CACNA1S: variants seen among roughly 807,000 people sequenced by gnomAD.
CACNA1S encodes voltage-dependent L-type calcium channel subunit alpha-1S.
Under a neutral mutation model 207.4 loss-of-function variants are expected in CACNA1S, and 126 were observed. The observed-to-expected ratio is 0.61, with a 90% CI of 0.53 to 0.70. The LOEUF (loss-of-function observed/expected upper bound fraction) is 0.70. CACNA1S is among the 30% of genes least tolerant of loss of function. CACNA1S has a pLI of 0.00. For synonymous variants in CACNA1S, 960 were observed against 932.7 expected, an observed-to-expected ratio of 1.03 and a Z score of -0.53; for missense variants, 2,349 against 2,422.8, an observed-to-expected ratio of 0.97 and a Z score of 0.64.
At chr1:201,045,659 C>A (rs796978230) in intron 38 of CACNA1S, among the ~76,000 whole-genome samples, 7 of 150,192 alleles carry the variant, frequency 4.7e-5, no homozygotes, top group Non-Finnish European at 1.0e-4. Context: ...GGCTTGAACC[C>A]GGGAGGCAGA....
rs74816864 is a variant in CACNA1S, at chr1:201,081,217, A to G, written c.1393+1945T>C. ...GGCCTTAGGAACCCAGCTGCTACCC[A>G]TTAGGGTTTAGGCCTAGGCCTAAAA... On this transcript the variant is annotated intron_variant, in intron 10 of 43. Transcript: ENST00000362061. 5.2e-3 allele frequency among the ~76,000 whole-genome samples: 789 copies of G among 152,292 alleles called. 12 individuals carry two copies. Among genetic ancestry groups the G allele is most frequent in the African/African-American group, 0.018 (737 of 41,562 alleles).
intron 24 of CACNA1S, 68 bp from the exon 25 acceptor site, chr1:201,061,536 G>T: frequency 1.4e-6 from 2 of 1,470,042 alleles, no homozygotes; most frequent in South Asian, 1.2e-5. Context: ...GGCTGGGAAG[G>T]ATGGGCTTTA....
chr1:201,076,668 A>G (rs1661634230), intron 12 of CACNA1S, among the ~76,000 whole-genome samples: 1 of 152,232 alleles, frequency 6.6e-6, no homozygotes, highest in Admixed American at 6.5e-5. Context: ...GCAGTAGGCC[A>G]GCACTGTGCT....
At chr1:201,091,166 A>G (rs1397924583) in intron 5 of CACNA1S, among the ~76,000 whole-genome samples, 5 of 152,176 alleles carry the variant, frequency 3.3e-5, no homozygotes, top group Non-Finnish European at 7.3e-5. Flanking sequence ...TCTGGGCTTC[A>G]ATGTAGGTTA....
chr1:201,061,382 A>T lies in CACNA1S; in HGVS notation c.3140T>A (p.Ile1047Asn), dbSNP rs769489062. ...GAAGAAGGCAATGAGGATGATGTAG[A>T]TGATGAAGAAGATGGCCATCTCCAC... The part of the protein sequence containing the change: ...NRVEMAIFFI[I>N]YIILIAFFMM... The change falls in exon 25 of 44, where the codon ATC becomes AAC. Residue 1047 changes from isoleucine (I) to asparagine (N), a missense_variant. Coordinates refer to ENST00000362061, the MANE Select transcript of CACNA1S (RefSeq NM_000069.3). 2 of 1,614,254 alleles carry T rather than the reference A, an allele frequency of 1.2e-6. No homozygotes were observed. The highest frequency in any genetic ancestry group is 4.5e-5 in the East Asian group (2 of 44,878).
chr1:201,077,843 G>C, intron 11 of CACNA1S, 36 bp downstream of exon 11: 1 of 1,492,458 alleles, frequency 6.7e-7, no homozygotes, highest in Non-Finnish European at 9.3e-7. Flanking sequence ...GGTGCCTGCC[G>C]GGGACCCGGG....
Position 201,061,189 on chromosome 1 carries a change from C to T in CACNA1S, c.3255+78G>A, listed in dbSNP as rs963005347. Reference sequence around the variant, plus strand: ...GGGGTCACCCTTAGGCCTCTCTTCCCTGGCTGAACCTAGGGCTTGGGCCAG... The same window carrying T: ...GGGGTCACCCTTAGGCCTCTCTTCCTTGGCTGAACCTAGGGCTTGGGCCAG... On this transcript the variant is annotated intron_variant, in intron 25 of 43. Transcript: ENST00000362061. The T allele has an allele frequency of 8.2e-6, 11 of 1,345,858 alleles. No individual in the cohort carries two copies. The South Asian group carries it at 1.3e-4, about 16-fold the overall frequency. 83.4% of individuals were successfully genotyped at this position (1,345,858 alleles called of 1,614,324 possible).
At chr1:201,095,518 T>A (rs1035817577) in intron 2 of CACNA1S, among the ~76,000 whole-genome samples, 1 of 152,188 alleles carries the variant, frequency 6.6e-6, no homozygotes, top group African/African-American at 2.4e-5. Context: ...TGGATATGGC[T>A]CCAGAAACCT....
rs982961179 is a variant in CACNA1S at position 201,101,942 on chromosome 1, C to T, written c.259-7921G>A. Among the ~76,000 whole-genome samples the T allele has an allele frequency of 7.9e-5, 12 of 152,132 alleles. No homozygotes were observed. The South Asian group carries it at 8.3e-4, about 11-fold the overall frequency. ...AAAAGCATCCCCCCTCCTCCATCAG[C>T]ATATGTTGAGATGAAGCCCTCACCT... is the stretch of plus-strand genomic sequence containing the variant. On this transcript the variant is annotated intron_variant, in intron 2 of 43. Transcript: ENST00000362061.
chr1:201,109,255 A>G (rs2102189375), intron 2 of CACNA1S, among the ~76,000 whole-genome samples: 1 of 152,180 alleles, frequency 6.6e-6, no homozygotes, highest in South Asian at 2.1e-4. Context: ...AAAAAAAAAA[A>G]AAAAAGAGGT....
intron 22 of CACNA1S, among the ~76,000 whole-genome samples, chr1:201,063,376 G>A (rs919726972): frequency 3.5e-5 from 5 of 142,082 alleles, no homozygotes; most frequent in African/African-American, 1.3e-4. Context: ...TGCAATCTCC[G>A]CCTCCCCGGT....
intron 3 of CACNA1S, among the ~76,000 whole-genome samples, chr1:201,093,623 T>C (rs1424439778): frequency 6.6e-6 from 1 of 152,204 alleles, no homozygotes; most frequent in Non-Finnish European, 1.5e-5. Context: ...ATTTGTGTGA[T>C]GTGAGGAGGA....
intron 19 of CACNA1S, among the ~76,000 whole-genome samples, chr1:201,068,235 T>C (rs1359135818): frequency 7.6e-5 from 7 of 92,520 alleles, no homozygotes; most frequent in African/African-American, 3.8e-4. Context: ...TCTGCTCTTT[T>C]TTTTTTTTTT....
intron 2 of CACNA1S, among the ~76,000 whole-genome samples, chr1:201,098,890 C>A (rs528273272): frequency 6.6e-6 from 1 of 152,320 alleles, no homozygotes; most frequent in East Asian, 1.9e-4. Flanking sequence ...CATAGACAAG[C>A]CTCTAACTGG....
chr1:201,110,060 G>A (rs960862543), intron 2 of CACNA1S, 104 bp downstream of exon 2: 8 of 1,071,536 alleles, frequency 7.5e-6, no homozygotes, highest in Non-Finnish European at 1.2e-5. Flanking sequence ...TCGTCAGGGA[G>A]TTGAACCACC....
At position 201,055,478 on chromosome 1, in the gene CACNA1S, A is replaced by C. The variant is rs538225375; in HGVS notation, c.3610-917T>G. 1.4e-3 allele frequency among the ~76,000 whole-genome samples: 206 copies of C among 152,350 alleles called. 1 individual carries two copies. Among genetic ancestry groups the C allele is most frequent in the Non-Finnish European group, 1.0e-3 (69 of 68,032 alleles). On this transcript the variant is annotated intron_variant, in intron 28 of 43. Transcript: ENST00000362061. ...TGCACCCCAGGTGATTCTCATATGC[A>C]AGCAAGGATGACGACCAGTGTTCTA...
chr1:201,054,399 G>T, intron 29 of CACNA1S, 106 bp downstream of exon 29: 2 of 1,181,548 alleles, frequency 1.7e-6, no homozygotes, highest in South Asian at 1.2e-5. Context: ...AGGGAGCCCT[G>T]AGTGCTGATC....
chr1:201,068,971 T>A (rs1325981052), intron 19 of CACNA1S, among the ~76,000 whole-genome samples, 166 bp downstream of exon 19: 2 of 152,214 alleles, frequency 1.3e-5, no homozygotes, highest in African/African-American at 4.8e-5. Flanking sequence ...TTTCCAGCCC[T>A]CCATCCAGAT....
chr1:201,104,928 G>A (rs1662821412), intron 2 of CACNA1S, among the ~76,000 whole-genome samples: 1 of 152,194 alleles, frequency 6.6e-6, no homozygotes, highest in African/African-American at 2.4e-5. Context: ...TTACTCCTCT[G>A]TACAAATGAG....
Sources: gnomAD v4.1 joint callset for allele counts (sites outside exome capture counted in the v4.1 genomes callset) on GRCh38, gnomAD v4.1.1 for gene constraint, MANE v1.5 for transcripts, NCBI Gene and HGNC (gene_info 2026-07-23, HGNC 2026-07-21) for gene names.